B4GALT1: variants seen among roughly 807,000 people sequenced by gnomAD.
B4GALT1 encodes the protein beta-1,4-galactosyltransferase 1.
Under a neutral mutation model 34.9 loss-of-function variants are expected in B4GALT1, and 16 were observed. The observed-to-expected ratio is 0.46, with a 90% CI of 0.31 to 0.70. The LOEUF is 0.70. Among genes scored for constraint, B4GALT1 ranks in the 30% least tolerant of loss-of-function variants. The pLI, the probability that B4GALT1 is intolerant of heterozygous loss-of-function variation, is 0.05. For synonymous variants in B4GALT1, 221 were observed against 218.1 expected, an observed-to-expected ratio of 1.01 and a Z score of -0.12; for missense variants, 445 against 530.5, an observed-to-expected ratio of 0.84 and a Z score of 1.58.
intron 3 of B4GALT1, among the ~76,000 whole-genome samples, chr9:33,119,415 A>G (rs903140454): frequency 3.3e-5 from 5 of 152,108 alleles, no homozygotes; most frequent in African/African-American, 1.2e-4. Flanking sequence ...ACAGAATCAC[A>G]TTCCTTCTTA....
At chr9:33,123,703 A>G (rs1021132026) in intron 2 of B4GALT1, among the ~76,000 whole-genome samples, 1 of 152,202 alleles carries the variant, frequency 6.6e-6, no homozygotes, top group Non-Finnish European at 1.5e-5. Context: ...ATCTAAGCAG[A>G]GGCCTAACTG....
chr9:33,133,882 T>C (rs1213686646), intron 2 of B4GALT1, among the ~76,000 whole-genome samples: 1 of 152,194 alleles, frequency 6.6e-6, no homozygotes, highest in Non-Finnish European at 1.5e-5. Context: ...AAGGCTCCTT[T>C]CTGCCTTAAG....
chr9:33,142,202 C>T (rs1301503393), intron 1 of B4GALT1, among the ~76,000 whole-genome samples: 3 of 152,124 alleles, frequency 2.0e-5, no homozygotes, highest in Admixed American at 6.5e-5. Context: ...AGGATGGTCT[C>T]GATCTCTTGA....
At chr9:33,137,919 A>G in intron 1 of B4GALT1, among the ~76,000 whole-genome samples, 1 of 152,192 alleles carries the variant, frequency 6.6e-6, no homozygotes. Context: ...ACTTGTGAAA[A>G]ACATGAAGAA....
rs1173199375 is a variant in B4GALT1 at position 33,167,134 on chromosome 9, G to A, written c.36C>T (p.Ala12=). ...GCTGTAGGGACGCGCCTGGCATCGC[G>A]GCGCTGCCGCTCAGGAGCGGCTCCC... ...RLREPLLSGS[A]AMPGASLQRA... The change falls in exon 1 of 6, where the codon GCC becomes GCT. Residue 12 remains alanine, a synonymous_variant. Coordinates refer to ENST00000379731, the MANE Select transcript of B4GALT1 (RefSeq NM_001497.4). The A allele has an allele frequency of 1.9e-6, 3 of 1,601,878 alleles. No individual in the cohort carries two copies. Among genetic ancestry groups the A allele is most frequent in the Admixed American group, 1.7e-5 (1 of 59,196 alleles).
upstream of B4GALT1, among the ~76,000 whole-genome samples, chr9:33,170,140 G>C (rs1047018414): frequency 6.7e-6 from 1 of 148,304 alleles, no homozygotes; most frequent in Non-Finnish European, 1.5e-5. Context: ...CGGCTAATTT[G>C]TTTGTATTTT....
chr9:33,108,899 AATATTTATGCTAGGAGAATCTTTTG>A (rs1839824515), downstream of B4GALT1: 1 of 34,604 alleles, frequency 2.9e-5, no homozygotes, highest in Non-Finnish European at 1.2e-4. Flanking sequence ...TTTTTGTTCT[AATATTTATGCTAGGAGAATCTTTTG>A]TTCTAATATT....
chr9:33,171,969 G>C (rs964097349), upstream of B4GALT1, among the ~76,000 whole-genome samples: 5 of 152,170 alleles, frequency 3.3e-5, no homozygotes, highest in Non-Finnish European at 5.9e-5. Context: ...AAATACATTA[G>C]TGTCTTCTTA....
upstream of B4GALT1, among the ~76,000 whole-genome samples, chr9:33,170,549 C>T (rs115823093): frequency 2.1e-3 from 327 of 152,192 alleles, no homozygotes; most frequent in African/African-American, 7.1e-3. Context: ...GACAGGACTG[C>T]GGGGGTTATT....
intron 1 of B4GALT1, among the ~76,000 whole-genome samples, chr9:33,144,696 C>A (rs953035932): frequency 1.3e-5 from 2 of 152,222 alleles, no homozygotes; most frequent in Non-Finnish European, 1.5e-5. Flanking sequence ...AGTCCCCTCT[C>A]GGGATCAATC....
chr9:33,155,774 C>T (rs2118272048), intron 1 of B4GALT1, among the ~76,000 whole-genome samples: 1 of 152,298 alleles, frequency 6.6e-6, no homozygotes, highest in East Asian at 1.9e-4. Context: ...CCTAAGGGTG[C>T]TGACTGTATG....
Position 33,135,903 on chromosome 9 carries a change from GTGTGTGTA to G in B4GALT1, c.413-487_413-480del, listed in dbSNP as rs1265499442. On this transcript the variant is annotated intron_variant, in intron 1 of 5. Coordinates refer to ENST00000379731, the MANE Select transcript of B4GALT1 (RefSeq NM_001497.4). ...CCTAACTGGGGAAGTGTGTGTGTGT[GTGTGTGTA>G]TGTGTGTGTGTGTGTGTGTGTGTGT... Among the ~76,000 whole-genome samples the G allele has an allele frequency of 4.8e-3, 510 of 106,804 alleles. 2 individuals are homozygous for G. Among genetic ancestry groups the G allele is most frequent in the Middle Eastern group, 0.013 (3 of 226 alleles). The allele number at this position is 106,804 out of a possible 152,430, so 70.1% of individuals were successfully genotyped here.
At position 33,113,384 on chromosome 9, in the gene B4GALT1, A is replaced by G; in HGVS notation, c.*70T>C. 3 of 1,609,502 alleles carry G rather than the reference A, an allele frequency of 1.9e-6. No homozygotes were observed. The highest frequency in any genetic ancestry group is 2.2e-5 in the South Asian group (2 of 90,770). On this transcript the variant is annotated 3_prime_UTR_variant, in exon 6 of 6. Transcript: ENST00000379731. ...TGGTAAAAATGAGAGGGACCAGCCC[A>G]GCAGATTGGCAGAGACACACAGCAG...
chr9:33,116,602 C>T (rs1030237423), intron 3 of B4GALT1, among the ~76,000 whole-genome samples: 1 of 147,782 alleles, frequency 6.8e-6, no homozygotes, highest in African/African-American at 2.5e-5. Context: ...CTCACTGCAA[C>T]CTCCGCCTCC....
At chr9:33,151,287 T>C (rs1245159860) in intron 1 of B4GALT1, among the ~76,000 whole-genome samples, 1 of 152,230 alleles carries the variant, frequency 6.6e-6, no homozygotes, top group Non-Finnish European at 1.5e-5. Context: ...AGCTGCAACT[T>C]TGCATTCCAG....
chr9:33,164,265 C>A lies in B4GALT1; in HGVS notation c.412+2493G>T, dbSNP rs954071465. Among the ~76,000 whole-genome samples the A allele has an allele frequency of 3.9e-5, 6 of 152,260 alleles. No homozygotes were observed. The East Asian group carries it at 1.2e-3, about 29-fold the overall frequency. ...CTCCCACCAACCTCAAAACCACCCG[C>A]AAGGGCTTTGGCTGACACCTGCCCA... On this transcript the variant is annotated intron_variant, in intron 1 of 5. Coordinates refer to ENST00000379731, the MANE Select transcript of B4GALT1 (RefSeq NM_001497.4).
At chr9:33,121,430 T>C (rs1193844379) in intron 2 of B4GALT1, among the ~76,000 whole-genome samples, 3 of 152,158 alleles carry the variant, frequency 2.0e-5, no homozygotes, top group African/African-American at 7.2e-5. Context: ...TGGTATGATC[T>C]TGGCTCACTG....
rs1840765736 is a variant in B4GALT1 at position 33,166,893 on chromosome 9, GGGA to G, written c.274_276del (p.Ser92del). The G allele has an allele frequency of 6.3e-7, 1 of 1,579,744 alleles. No individual in the cohort carries two copies. The highest frequency in any genetic ancestry group is 1.8e-5 in the Admixed American group (1 of 56,144). ...CTGGAGTCGCCACCCGGGCGCGGCT[GGGA>G]GGAGGCGCCTAGAGGAGGCGGCGGC... On this transcript the variant is annotated inframe_deletion, in exon 1 of 6. Transcript: ENST00000379731.
chr9:33,166,075 A>G (rs887442577), intron 1 of B4GALT1, among the ~76,000 whole-genome samples: 23 of 152,068 alleles, frequency 1.5e-4, no homozygotes, highest in African/African-American at 5.3e-4. Context: ...GGCTAGGGGG[A>G]AGGGCTCTCG....
Sources: allele counts gnomAD v4.1 joint callset (sites outside exome capture counted in the v4.1 genomes callset), GRCh38; gene constraint gnomAD v4.1.1; transcripts MANE v1.5; gene names NCBI Gene and HGNC (gene_info 2026-07-23, HGNC 2026-07-21).